LRRTM3: variants seen among roughly 807,000 people sequenced by gnomAD.
LRRTM3 encodes the protein leucine-rich repeat transmembrane neuronal protein 3.
In LRRTM3, 24 loss-of-function variants were observed where a neutral mutation model predicts 44.7. The observed-to-expected ratio is 0.54, with a 90% CI of 0.39 to 0.76. The LOEUF is 0.76. LRRTM3 is among the 30% of genes least tolerant of loss of function. The pLI is 0.00. For synonymous variants in LRRTM3, 277 were observed against 278.7 expected (o/e 0.99, Z 0.06); for missense variants, 587 against 702.2 (o/e 0.84, Z 1.85).
At chr10:67,089,973 T>A (rs768402405) in intron 2 of LRRTM3, among the ~76,000 whole-genome samples, 5 of 152,010 alleles carry the variant, frequency 3.3e-5, no homozygotes, top group African/African-American at 1.2e-4. Context: ...ACAAGTATAG[T>A]CTCATATGAA....
chr10:66,995,720 T>C (rs535684767), intron 2 of LRRTM3, among the ~76,000 whole-genome samples: 1 of 152,324 alleles, frequency 6.6e-6, no homozygotes, highest in East Asian at 1.9e-4. Context: ...TTGCTTACAC[T>C]GCTCCTTCTG....
intron 2 of LRRTM3, among the ~76,000 whole-genome samples, chr10:67,092,424 TC>T (rs1857704053): frequency 6.6e-6 from 1 of 151,984 alleles, no homozygotes; most frequent in Non-Finnish European, 1.5e-5. Flanking sequence ...AAGAAGACTG[TC>T]ATTTTCTGTT....
At chr10:66,961,473 C>A (rs1170301761) in intron 2 of LRRTM3, among the ~76,000 whole-genome samples, 1 of 152,196 alleles carries the variant, frequency 6.6e-6, no homozygotes, top group African/African-American at 2.4e-5. Context: ...TGGTGATTTT[C>A]TTCCAACCTC....
chr10:67,057,562 T>C (rs973568026), intron 2 of LRRTM3, among the ~76,000 whole-genome samples: 5 of 152,214 alleles, frequency 3.3e-5, no homozygotes, highest in African/African-American at 1.2e-4. Context: ...TAATGTCTTC[T>C]AGGTTTATCC....
At chr10:67,029,373 C>A (rs972233676) in intron 2 of LRRTM3, among the ~76,000 whole-genome samples, 6 of 152,052 alleles carry the variant, frequency 3.9e-5, no homozygotes, top group African/African-American at 1.4e-4. Context: ...TGGTTCAGAG[C>A]AGGTTGATTG....
chr10:66,971,408 CAGAG>C (rs1849718086), intron 2 of LRRTM3, among the ~76,000 whole-genome samples: 3 of 131,916 alleles, frequency 2.3e-5, no homozygotes, highest in Non-Finnish European at 4.9e-5. Flanking sequence ...GCCTGGGCAA[CAGAG>C]AGAGACTCCG....
chr10:66,926,625 C>CA (rs770257783), intron 1 of LRRTM3, 38 bp downstream of exon 1: 24 of 1,600,850 alleles, frequency 1.5e-5, no homozygotes, highest in African/African-American at 2.7e-5. Flanking sequence ...TTCTTAAAAA[C>CA]AAAAAACAAA....
chr10:66,951,039 G>A (rs1041695905), intron 2 of LRRTM3, among the ~76,000 whole-genome samples: 1 of 151,350 alleles, frequency 6.6e-6, no homozygotes, highest in African/African-American at 2.4e-5. Flanking sequence ...TTGCCTTGCT[G>A]CACTGTATTT....
chr10:67,093,955 G>C (rs1393740167), intron 2 of LRRTM3, among the ~76,000 whole-genome samples: 1 of 152,044 alleles, frequency 6.6e-6, no homozygotes, highest in East Asian at 1.9e-4. Context: ...GCAATACCGT[G>C]ATGTCAGGCA....
intron 2 of LRRTM3, among the ~76,000 whole-genome samples, chr10:66,947,987 C>T (rs1848358797): frequency 6.6e-6 from 1 of 152,196 alleles, no homozygotes; most frequent in Non-Finnish European, 1.5e-5. Flanking sequence ...TAGGAACTTA[C>T]TTGTATAGCA....
chr10:66,931,824 A>G (rs915384638), intron 2 of LRRTM3, among the ~76,000 whole-genome samples: 3 of 152,232 alleles, frequency 2.0e-5, no homozygotes, highest in African/African-American at 7.2e-5. Flanking sequence ...TAATAACGCA[A>G]TAAGAATAGA....
chr10:67,040,237 C>T (rs1303376876), intron 2 of LRRTM3, among the ~76,000 whole-genome samples: 8 of 152,042 alleles, frequency 5.3e-5, no homozygotes, highest in Non-Finnish European at 7.4e-5. Flanking sequence ...GACATTTGCT[C>T]GGTCTACATG....
intron 2 of LRRTM3, among the ~76,000 whole-genome samples, chr10:66,982,059 C>T (rs1348647779): frequency 1.3e-5 from 2 of 152,204 alleles, no homozygotes; most frequent in Non-Finnish European, 2.9e-5. Context: ...GGGCTCCATA[C>T]ACATAACATT....
chr10:67,008,587 C>G (rs1487031688), intron 2 of LRRTM3, among the ~76,000 whole-genome samples: 1 of 152,132 alleles, frequency 6.6e-6, no homozygotes, highest in African/African-American at 2.4e-5. Flanking sequence ...CCTGGCTCAT[C>G]TCTGAAGTCA....
chr10:66,990,110 T>A (rs771068102), intron 2 of LRRTM3, among the ~76,000 whole-genome samples: 1 of 152,204 alleles, frequency 6.6e-6, no homozygotes, highest in Non-Finnish European at 1.5e-5. Context: ...TAAGAGTTTA[T>A]ACTCAAGCTT....
At chr10:66,982,154 C>G (rs528839300) in intron 2 of LRRTM3, among the ~76,000 whole-genome samples, 1 of 152,302 alleles carries the variant, frequency 6.6e-6, no homozygotes, top group East Asian at 1.9e-4. Context: ...CATTTGCATT[C>G]TGGCAGTTTG....
intron 2 of LRRTM3, among the ~76,000 whole-genome samples, chr10:66,946,430 A>G (rs1848279851): frequency 6.6e-6 from 1 of 152,140 alleles, no homozygotes; most frequent in South Asian, 2.1e-4. Context: ...AAAAGTGCAC[A>G]TATGGTCAAT....
chr10:66,944,490 T>C (rs1204057463), intron 2 of LRRTM3, among the ~76,000 whole-genome samples: 1 of 152,198 alleles, frequency 6.6e-6, no homozygotes, highest in African/African-American at 2.4e-5. Context: ...AACTTCTTCC[T>C]AACTCCTATT....
At chr10:67,091,903 A>G (rs1477640113) in intron 2 of LRRTM3, among the ~76,000 whole-genome samples, 13 of 152,100 alleles carry the variant, frequency 8.5e-5, no homozygotes, top group Admixed American at 8.5e-4. Flanking sequence ...AAACAAATTT[A>G]AAGACAAATT....
Sources: gnomAD v4.1 joint callset for allele counts (sites outside exome capture counted in the v4.1 genomes callset) on GRCh38, gnomAD v4.1.1 for gene constraint, MANE v1.5 for transcripts, NCBI Gene and HGNC (gene_info 2026-07-23, HGNC 2026-07-21) for gene names.